Variants in KCNN2 observed in about 807,000 individuals in gnomAD.
The protein encoded by KCNN2 is small conductance calcium-activated potassium channel protein 2.
KCNN2 carries 24 observed loss-of-function variants against 55.5 expected under a neutral mutation model. That is an observed-to-expected ratio of 0.43 (90% CI 0.31 to 0.61). KCNN2 has a LOEUF of 0.61. KCNN2 is among the 20% of genes least tolerant of loss of function. KCNN2 has a pLI of 0.08. For missense variants in KCNN2, 754 were observed against 853.6 expected (o/e 0.88, Z 1.45); for synonymous variants, 431 against 336.1 (o/e 1.28, Z -3.09).
chr5:114,160,310 G>A (rs1432158599), intron 1 of KCNN2, among the ~76,000 whole-genome samples: 29 of 152,132 alleles, frequency 1.9e-4, no homozygotes, highest in African/African-American at 5.6e-4. Flanking sequence ...GTAGTTGAGC[G>A]GCTTTGAGTG....
intron 1 of KCNN2, among the ~76,000 whole-genome samples, chr5:114,187,018 G>T (rs570054553): frequency 3.3e-4 from 50 of 152,020 alleles, no homozygotes; most frequent in Non-Finnish European, 5.7e-4. Flanking sequence ...CCCCATAAAT[G>T]GTTCAAATTA....
intron 1 of KCNN2, among the ~76,000 whole-genome samples, chr5:114,100,912 T>G (rs1242246713): frequency 6.6e-6 from 1 of 151,920 alleles, no homozygotes; most frequent in Admixed American, 6.6e-5. Flanking sequence ...AAGTCCATAG[T>G]TACATTACAT....
intron 2 of KCNN2, among the ~76,000 whole-genome samples, chr5:114,274,315 T>C (rs914654220): frequency 6.8e-6 from 1 of 146,224 alleles, no homozygotes; most frequent in African/African-American, 2.5e-5. Flanking sequence ...GTGTTGGCTA[T>C]GTGGACTCTT....
At chr5:114,293,450 C>T (rs1404237993) in intron 2 of KCNN2, among the ~76,000 whole-genome samples, 1 of 152,160 alleles carries the variant, frequency 6.6e-6, no homozygotes, top group Non-Finnish European at 1.5e-5. Context: ...TTGAGATAAT[C>T]ATGTGGTTTT....
chr5:114,379,666 A>G (rs56169267), intron 2 of KCNN2, among the ~76,000 whole-genome samples: 866 of 50,750 alleles, frequency 0.017, 81 homozygotes, highest in African/African-American at 0.1. Flanking sequence ...ATATATATTT[A>G]TAGAATATAT....
At chr5:114,255,254 G>A (rs4235759) in intron 2 of KCNN2, among the ~76,000 whole-genome samples, 125,574 of 151,678 alleles carry the variant, frequency 0.83, 52,026 homozygotes, top group East Asian at 0.89. Context: ...GTGCATTGTA[G>A]TGTTGTAGTA....
chr5:114,496,207 A>G lies in KCNN2; in HGVS notation c.*25A>G. On this transcript the variant is annotated 3_prime_UTR_variant, in exon 8 of 8. Transcript: ENST00000673685. ...GAAGAGAATAAGTTAACCACAAAATAAGACTTTTTGCCATCATATGGTCAA... is the reference window on the plus strand; with the variant it reads ...GAAGAGAATAAGTTAACCACAAAATGAGACTTTTTGCCATCATATGGTCAA... 6.2e-7 allele frequency: 1 copy of G among 1,608,084 alleles called. No individual in the cohort carries two copies. Among genetic ancestry groups the G allele is most frequent in the Middle Eastern group, 1.7e-4 (1 of 6,032 alleles).
intron 1 of KCNN2, among the ~76,000 whole-genome samples, chr5:114,099,971 A>G (rs910684019): frequency 3.3e-5 from 5 of 152,100 alleles, no homozygotes; most frequent in Non-Finnish European, 5.9e-5. Context: ...TGAGATGCTC[A>G]ATGTATTTCT....
chr5:114,162,490 C>T (rs978895815), intron 1 of KCNN2, among the ~76,000 whole-genome samples: 2 of 152,174 alleles, frequency 1.3e-5, no homozygotes, highest in Non-Finnish European at 2.9e-5. Context: ...TCTCAGATCT[C>T]AGGCTGTGTG....
chr5:114,493,222 G>T, intron 6 of KCNN2, 181 bp from the exon 7 acceptor site: 1 of 671,528 alleles, frequency 1.5e-6, no homozygotes, highest in Non-Finnish European at 2.8e-6. Context: ...TCTTTTTTGC[G>T]GTGTTGGGGA....
chr5:114,362,579 C>A lies in KCNN2; in HGVS notation c.440C>A (p.Ser147Tyr), dbSNP rs116711658. ...CTCCGGCAGCAGTACGCGCAGCAGT[C>A]CGCGCAGCAGTCGGCGTCCGCCTCC... Reference protein sequence around the residue: ...SALRQQYAQQSAQQSASASQY... With the variant: ...SALRQQYAQQYAQQSASASQY... Residue 147 changes from serine (S) to tyrosine (Y), a missense_variant, in exon 1 of 8, where the codon TCC becomes TAC. By Grantham distance (144) the Ser-to-Tyr change is moderately radical. Transcript: ENST00000673685. 8.4e-4 allele frequency: 582 copies of A among 696,922 alleles called. 2 individuals are homozygous for A. Among genetic ancestry groups the A allele is most frequent in the African/African-American group, 8.1e-3 (428 of 52,666 alleles). 43.2% of individuals were successfully genotyped at this position (696,922 alleles called of 1,614,324 possible). A position where few individuals can be genotyped will look rare whatever the true frequency, so the allele number is the denominator to read the frequency against.
intron 2 of KCNN2, among the ~76,000 whole-genome samples, chr5:114,270,964 G>A (rs976145666): frequency 4.6e-5 from 7 of 152,056 alleles, no homozygotes; most frequent in East Asian, 1.9e-4. Context: ...AAGGTAGTGC[G>A]GACCCTTTAT....
At chr5:114,293,292 A>C (rs1405848687) in intron 2 of KCNN2, among the ~76,000 whole-genome samples, 1 of 152,078 alleles carries the variant, frequency 6.6e-6, no homozygotes, top group Non-Finnish European at 1.5e-5. Flanking sequence ...GAATGCTTCC[A>C]GTTTTTGCCC....
At chr5:114,306,397 G>A (rs1349114055) in intron 2 of KCNN2, among the ~76,000 whole-genome samples, 1 of 152,164 alleles carries the variant, frequency 6.6e-6, no homozygotes, top group Non-Finnish European at 1.5e-5. Flanking sequence ...TAAAGTCCCT[G>A]GTAGTGATAC....
chr5:114,227,233 A>C (rs1754255186), intron 2 of KCNN2, among the ~76,000 whole-genome samples: 1 of 152,194 alleles, frequency 6.6e-6, no homozygotes. Flanking sequence ...AGCGAATGAA[A>C]GAATGAAGGA....
intron 3 of KCNN2, among the ~76,000 whole-genome samples, chr5:114,420,046 T>C (rs748579198): frequency 1.3e-5 from 2 of 152,222 alleles, no homozygotes; most frequent in Non-Finnish European, 2.9e-5. Flanking sequence ...CAGTAAGATA[T>C]GAAAGAATTG....
At chr5:114,414,204 T>C (rs1759225881) in intron 3 of KCNN2, among the ~76,000 whole-genome samples, 1 of 152,178 alleles carries the variant, frequency 6.6e-6, no homozygotes, top group Non-Finnish European at 1.5e-5. Context: ...AAAAGTGCCT[T>C]TACATGCCAT....
chr5:114,172,078 C>A (rs1280577443), intron 1 of KCNN2, among the ~76,000 whole-genome samples: 1 of 151,820 alleles, frequency 6.6e-6, no homozygotes, highest in Non-Finnish European at 1.5e-5. Flanking sequence ...AGGGAAGTTT[C>A]TACAAACCTA....
At chr5:114,079,063 C>T (rs1750744261) in intron 1 of KCNN2, among the ~76,000 whole-genome samples, 1 of 152,114 alleles carries the variant, frequency 6.6e-6, no homozygotes, top group African/African-American at 2.4e-5. Flanking sequence ...CTTTCCACTA[C>T]CCTGAGCCTC....
Sources: gnomAD v4.1 joint callset for allele counts (sites outside exome capture counted in the v4.1 genomes callset) on GRCh38, gnomAD v4.1.1 for gene constraint, MANE v1.5 for transcripts, NCBI Gene and HGNC (gene_info 2026-07-23, HGNC 2026-07-21) for gene names.